Variants in PAPPA2 observed in about 807,000 individuals in gnomAD.
PAPPA2 encodes pappalysin 2, also known as pappalysin-2.
Under a neutral mutation model 176.4 loss-of-function variants are expected in PAPPA2, and 86 were observed. That is an observed-to-expected ratio of 0.49 (90% CI 0.41 to 0.58). PAPPA2 has a LOEUF of 0.58. Among genes scored for constraint, PAPPA2 ranks in the 20% least tolerant of loss-of-function variants. The probability of loss-of-function intolerance (pLI) is 0.00; values close to 1 mark genes in which losing one functional copy is unlikely to be tolerated. For missense variants in PAPPA2, 2,073 were observed against 2,256.9 expected (o/e 0.92, Z 1.65); for synonymous variants, 809 against 852.2 (o/e 0.95, Z 0.88).
At chr1:176,817,893 A>T (rs774798842) in intron 21 of PAPPA2, among the ~76,000 whole-genome samples, 2 of 152,124 alleles carry the variant, frequency 1.3e-5, no homozygotes, top group Non-Finnish European at 2.9e-5. Context: ...GAACGTATGG[A>T]TGCTAATTGA....
intron 1 of PAPPA2, among the ~76,000 whole-genome samples, chr1:176,551,112 A>G (rs1253612125): frequency 6.6e-6 from 1 of 152,182 alleles, no homozygotes; most frequent in East Asian, 1.9e-4. Context: ...GCCGTAGTAG[A>G]TTACCCTGAA....
chr1:176,812,930 C>T (rs1329105779), intron 21 of PAPPA2, among the ~76,000 whole-genome samples: 1 of 152,094 alleles, frequency 6.6e-6, no homozygotes, highest in African/African-American at 2.4e-5. Flanking sequence ...TCCTAATGCT[C>T]TCCCTCCCCC....
At chr1:176,704,712 A>G (rs1045687324) in intron 9 of PAPPA2, among the ~76,000 whole-genome samples, 2 of 152,242 alleles carry the variant, frequency 1.3e-5, no homozygotes, top group Non-Finnish European at 1.5e-5. Context: ...TATAAATTTT[A>G]TAAAGTCTAA....
intron 20 of PAPPA2, among the ~76,000 whole-genome samples, chr1:176,796,286 A>T (rs1665421878): frequency 6.6e-6 from 1 of 152,230 alleles, no homozygotes; most frequent in South Asian, 2.1e-4. Context: ...GGAACAGAAA[A>T]GCAAGTTGCA....
chr1:176,676,796 T>A (rs539852566), intron 4 of PAPPA2, among the ~76,000 whole-genome samples: 3 of 152,238 alleles, frequency 2.0e-5, no homozygotes, highest in Admixed American at 2.0e-4. Flanking sequence ...ACATCTATGA[T>A]CTCTATAAAT....
chr1:176,584,584 G>A (rs1653190490), intron 2 of PAPPA2, among the ~76,000 whole-genome samples: 1 of 151,814 alleles, frequency 6.6e-6, no homozygotes, highest in Non-Finnish European at 1.5e-5. Context: ...AATCCCTTTG[G>A]TCAATCTATA....
rs970967527 is a variant in PAPPA2, at chr1:176,844,925, T to G, written c.*2471T>G. The G allele has an allele frequency of 1.4e-4, 21 of 152,186 alleles. No individual in the cohort carries two copies. The highest frequency in any genetic ancestry group is 4.8e-4 in the African/African-American group (20 of 41,440). 9.4% of individuals were successfully genotyped at this position (152,186 alleles called of 1,614,324 possible). A position where few individuals can be genotyped will look rare whatever the true frequency, so the allele number is the denominator to read the frequency against. On this transcript the variant is annotated 3_prime_UTR_variant, in exon 23 of 23. Coordinates refer to ENST00000367662, the MANE Select transcript of PAPPA2 (RefSeq NM_020318.3). ...TTTAAAATATTTTATTATCTGCAAT[T>G]CACCACTGCTCTGGGAAAGCAAAAG...
intron 1 of PAPPA2, among the ~76,000 whole-genome samples, chr1:176,472,289 C>T (rs943704642): frequency 3.3e-5 from 5 of 152,144 alleles, no homozygotes; most frequent in Admixed American, 6.5e-5. Flanking sequence ...ACTCGTGTAT[C>T]CATGTGTTCC....
rs367967643 is a variant in PAPPA2, at chr1:176,586,523, A to G, written c.920-8001A>G. On this transcript the variant is annotated intron_variant, in intron 2 of 22. Coordinates refer to ENST00000367662, the MANE Select transcript of PAPPA2 (RefSeq NM_020318.3). ...TGTTCTCAATGGTCAGCTCCCACAT[A>G]TGAGTGAGAACATGCGGTGTTTGGT... Among the ~76,000 whole-genome samples the G allele has an allele frequency of 3.9e-5, 6 of 152,010 alleles. No homozygotes were observed. The South Asian group carries it at 1.2e-3, about 32-fold the overall frequency.
chr1:176,765,537 T>C lies in PAPPA2; in HGVS notation c.4152-129T>C, dbSNP rs1004458564. 234 of 843,774 alleles carry C rather than the reference T, an allele frequency of 2.8e-4. 1 individual carries two copies. The highest frequency in any genetic ancestry group is 1.3e-4 in the Non-Finnish European group (70 of 537,936). The allele number at this position is 843,774 out of a possible 1,614,324, so 52.3% of individuals were successfully genotyped here. A position where few individuals can be genotyped will look rare whatever the true frequency, so the allele number is the denominator to read the frequency against. ...GGTAGTAGAGAAAAAAGGTGATGAG[T>C]TAAATATCAGTTTTGGAGAAAATTG... is the stretch of plus-strand genomic sequence containing the variant. On this transcript the variant is annotated intron_variant, in intron 14 of 22. Coordinates refer to ENST00000367662, the MANE Select transcript of PAPPA2 (RefSeq NM_020318.3).
chr1:176,551,026 G>A (rs1299421197), intron 1 of PAPPA2, among the ~76,000 whole-genome samples: 2 of 152,176 alleles, frequency 1.3e-5, no homozygotes, highest in African/African-American at 2.4e-5. Flanking sequence ...AGAGATTTAG[G>A]AGACCTGATG....
intron 3 of PAPPA2, among the ~76,000 whole-genome samples, chr1:176,600,742 A>G (rs551609014): frequency 6.6e-6 from 1 of 151,996 alleles, no homozygotes; most frequent in Admixed American, 6.5e-5. Flanking sequence ...GTTACTCTGA[A>G]GGGACTCAAC....
intron 2 of PAPPA2, among the ~76,000 whole-genome samples, chr1:176,568,489 C>A (rs915555979): frequency 6.6e-6 from 1 of 152,166 alleles, no homozygotes; most frequent in Non-Finnish European, 1.5e-5. Flanking sequence ...AAGATGTGAA[C>A]CTGGACATTT....
intron 3 of PAPPA2, among the ~76,000 whole-genome samples, chr1:176,637,339 G>A (rs754650931): frequency 6.6e-6 from 1 of 152,124 alleles, no homozygotes; most frequent in African/African-American, 2.4e-5. Context: ...TTTCTCAAAA[G>A]AATTAATTTA....
At chr1:176,756,092 A>C (rs2102894058) in intron 14 of PAPPA2, among the ~76,000 whole-genome samples, 1 of 152,156 alleles carries the variant, frequency 6.6e-6, no homozygotes, top group Middle Eastern at 3.4e-3. Context: ...CCAAGTAGCT[A>C]GGATTACAGG....
intron 2 of PAPPA2, among the ~76,000 whole-genome samples, chr1:176,564,954 A>G (rs936543596): frequency 2.0e-5 from 3 of 151,546 alleles, no homozygotes; most frequent in Admixed American, 6.6e-5. Flanking sequence ...TTCCAAATCC[A>G]CCATAGCCAT....
chr1:176,633,907 C>T (rs1656501668), intron 3 of PAPPA2, among the ~76,000 whole-genome samples: 1 of 152,162 alleles, frequency 6.6e-6, no homozygotes, highest in African/African-American at 2.4e-5. Context: ...CATCTCACAC[C>T]AGTTAGAATG....
At chr1:176,796,301 A>G (rs1665422444) in intron 20 of PAPPA2, among the ~76,000 whole-genome samples, 1 of 152,224 alleles carries the variant, frequency 6.6e-6, no homozygotes, top group Non-Finnish European at 1.5e-5. Context: ...GTTGCAGGGT[A>G]GTGTGCTATG....
intron 3 of PAPPA2, among the ~76,000 whole-genome samples, chr1:176,633,055 T>C (rs1438644547): frequency 4.0e-5 from 6 of 151,868 alleles, no homozygotes; most frequent in African/African-American, 1.5e-4. Flanking sequence ...TCACAATAAC[T>C]TGATGATTTA....
Sources: gnomAD v4.1 joint callset for allele counts (sites outside exome capture counted in the v4.1 genomes callset) on GRCh38, gnomAD v4.1.1 for gene constraint, MANE v1.5 for transcripts, NCBI Gene and HGNC (gene_info 2026-07-23, HGNC 2026-07-21) for gene names.